The following SZT2 variants were observed in gnomAD, a reference collection of about 807,000 sequenced individuals.
SZT2 encodes SZT2 subunit of KICSTOR complex, also known as KICSTOR complex protein SZT2.
A neutral mutation model predicts 404.2 loss-of-function variants in SZT2; 216 were observed. The observed-to-expected ratio is 0.53, with a 90% CI of 0.48 to 0.60. The LOEUF is 0.60. Ranked by LOEUF, SZT2 falls within the 20% of genes least tolerant of loss-of-function variation. SZT2 has a pLI of 0.00. For missense variants in SZT2, 3,857 were observed against 4,459.2 expected, an observed-to-expected ratio of 0.86 and a Z score of 3.85; for synonymous variants, 1,693 against 1,749.9, an observed-to-expected ratio of 0.97 and a Z score of 0.81.
In SZT2 at chr1:43,453,106, C is replaced by T. The variant is rs1454216063; in HGVS notation, c.*2626C>T. 1.5e-5 allele frequency: 11 copies of T among 753,468 alleles called. No homozygotes were observed. Among genetic ancestry groups the T allele is most frequent in the Admixed American group, 2.0e-5 (1 of 49,520 alleles). The allele number at this position is 753,468 out of a possible 1,614,324, so 46.7% of individuals were successfully genotyped here. A position where few individuals can be genotyped will look rare whatever the true frequency, so the allele number is the denominator to read the frequency against. The stretch of plus-strand genomic sequence containing the variant: ...CCACAGCTTCCTGGAATAGGCCTGT[C>T]CTCAAATGCATCACTGTATATATTT... On this transcript the variant is annotated 3_prime_UTR_variant, in exon 72 of 72. Coordinates refer to ENST00000634258, the MANE Select transcript of SZT2 (RefSeq NM_001365999.1).
intron 1 of SZT2, among the ~76,000 whole-genome samples, chr1:43,397,987 A>T (rs1649205387): frequency 6.6e-6 from 1 of 152,218 alleles, no homozygotes; most frequent in African/African-American, 2.4e-5. Flanking sequence ...CTAGAAGATG[A>T]GGTGACCACG....
intron 46 of SZT2, among the ~76,000 whole-genome samples, chr1:43,438,361 A>T (rs1031005439): frequency 4.6e-5 from 7 of 152,160 alleles, no homozygotes; most frequent in African/African-American, 1.7e-4. Flanking sequence ...TTTTCCAGCT[A>T]ATATTTATAG....
In SZT2 at chr1:43,422,890, T is replaced by C. The variant is rs920414885; in HGVS notation, c.2037+7T>C. 6.4e-7 allele frequency: 1 copy of C among 1,573,892 alleles called. No individual in the cohort carries two copies. Among genetic ancestry groups the C allele is most frequent in the Non-Finnish European group, 8.6e-7 (1 of 1,167,156 alleles). On this transcript the variant is annotated splice_region_variant and intron_variant, in intron 14 of 71. Coordinates refer to ENST00000634258, the MANE Select transcript of SZT2 (RefSeq NM_001365999.1). ...AGCACCGGCCCGGCACAAGGTAAGC[T>C]GGGCCCTGACTGACTCTGACCAAGG...
intron 51 of SZT2, 68 bp from the exon 52 acceptor site, chr1:43,440,385 G>C (rs1262060282): frequency 5.3e-6 from 8 of 1,517,040 alleles, no homozygotes; most frequent in Non-Finnish European, 7.1e-6. Flanking sequence ...TACCAGTCTT[G>C]AGGTTCAGTT....
At position 43,415,255 on chromosome 1, in the gene SZT2, G is replaced by A. The variant is rs552856790; in HGVS notation, c.630+42G>A. The stretch of plus-strand genomic sequence containing the variant: ...GTGGGCAGAGGCAACTTAGAAAGAG[G>A]AGCAGCTAAGGACAGAGGGCAGAGA... On this transcript the variant is annotated intron_variant, in intron 5 of 71. Transcript: ENST00000634258. 1.5e-3 allele frequency: 2,371 copies of A among 1,593,892 alleles called. 39 individuals carry two copies. The South Asian group carries it at 0.025, about 17-fold the overall frequency.
At chr1:43,402,808 G>C (rs1486412456) in intron 1 of SZT2, among the ~76,000 whole-genome samples, 2 of 152,160 alleles carry the variant, frequency 1.3e-5, no homozygotes, top group African/African-American at 4.8e-5. Flanking sequence ...AATGTATTAG[G>C]GACTTGTCCT....
In SZT2 at chr1:43,424,506, C is replaced by A; in HGVS notation, c.2471+74C>A. The A allele has an allele frequency of 6.9e-7, 1 of 1,441,450 alleles. No homozygotes were observed. The highest frequency in any genetic ancestry group is 9.5e-7 in the Non-Finnish European group (1 of 1,048,120). 89.3% of individuals were successfully genotyped at this position (1,441,450 alleles called of 1,614,324 possible). On this transcript the variant is annotated intron_variant, in intron 16 of 71. Transcript: ENST00000634258. This position sits in a 1 kb window ranked among gnomAD's most constrained non-coding sequence, Gnocchi z 4.1. ...TGTAGACTGGGACACTAGCAAAAAGCCTATAGCACACACTTCTCCTCTCTA... is the reference window on the plus strand; with the variant it reads ...TGTAGACTGGGACACTAGCAAAAAGACTATAGCACACACTTCTCCTCTCTA...
rs1293436010 is a variant in SZT2 at position 43,443,452 on chromosome 1, A to G, written c.8600A>G (p.Glu2867Gly). 1.2e-6 allele frequency: 2 copies of G among 1,614,206 alleles called. No homozygotes were observed. The highest frequency in any genetic ancestry group is 4.5e-5 in the East Asian group (2 of 44,876). Residue 2867 changes from glutamate (E) to glycine (G), a missense_variant, in exon 61 of 72, where the codon GAG (glutamate) becomes GGG (glycine). Coordinates refer to ENST00000634258, the MANE Select transcript of SZT2 (RefSeq NM_001365999.1). ...DPAAWLHGPPETSGPPDGQRR... is the reference protein window; with the variant it reads ...DPAAWLHGPPGTSGPPDGQRR... ...GCTGCCTGGCTGCATGGGCCCCCAGAGACCTCTGGACCCCCTGACGGGCAG... is the reference window on the plus strand; with the variant it reads ...GCTGCCTGGCTGCATGGGCCCCCAGGGACCTCTGGACCCCCTGACGGGCAG...
chr1:43,444,516 C>T (rs991560231), intron 62 of SZT2, among the ~76,000 whole-genome samples: 1 of 152,066 alleles, frequency 6.6e-6, no homozygotes, highest in East Asian at 1.9e-4. Flanking sequence ...CAGGGAAGTC[C>T]TTTTCTCACC....
chr1:43,432,353 C>A lies in SZT2; in HGVS notation c.5356C>A (p.Gln1786Lys). The change falls in exon 37 of 72, where the codon CAG (glutamine) becomes AAG (lysine). Residue 1786 changes from glutamine to lysine, a missense_variant. Physicochemically the swap from Gln to Lys is moderately conservative, Grantham distance 53 (BLOSUM62 1). Transcript: ENST00000634258. ...SGFFFVAAGQ[Q>K]PGGSHGEPSS... ...CTTCTTCTTTGTGGCAGCTGGCCAA[C>A]AGCCAGGTGGGTCCCATGGGGAGCC... The A allele has an allele frequency of 6.2e-7, 1 of 1,607,564 alleles. No individual in the cohort carries two copies. Among genetic ancestry groups the A allele is most frequent in the Non-Finnish European group, 8.5e-7 (1 of 1,177,068 alleles).
chr1:43,438,725 C>T lies in SZT2; in HGVS notation c.6535C>T (p.Arg2179Ter), dbSNP rs776495267. 2.5e-6 allele frequency: 4 copies of T among 1,613,928 alleles called. No individual in the cohort carries two copies. The highest frequency in any genetic ancestry group is 2.5e-6 in the Non-Finnish European group (3 of 1,180,000). The change falls in exon 47 of 72, where the codon CGA becomes TGA. Residue 2179 changes from arginine (R) to a stop codon, truncating the protein, a stop_gained. Transcript: ENST00000634258. LOFTEE classifies it high-confidence loss of function. The stretch of plus-strand genomic sequence containing the variant: ...TCCTGAGATCACGGATGAGCTCGTG[C>T]GAGTTCTATGTCGGCGCCTGGATGA... The part of the protein sequence containing the change: ...AGPEITDELV[R>*]VLCRRLDEAT...
chr1:43,429,466 A>G (rs1300389504), intron 28 of SZT2: 6 of 481,172 alleles, frequency 1.2e-5, no homozygotes, highest in African/African-American at 1.9e-5. Context: ...CTCCTACCTC[A>G]GCAACAGAGT....
chr1:43,426,067 C>G lies in SZT2; in HGVS notation c.2959C>G (p.His987Asp). The G allele has an allele frequency of 6.2e-7, 1 of 1,614,150 alleles. No individual in the cohort carries two copies. The change falls in exon 21 of 72, where the codon CAT becomes GAT. Residue 987 changes from histidine (H) to aspartate (D), a missense_variant. Around this residue, in one of 7 missense-constraint regions of SZT2, gnomAD observed 1,725 missense variants for 1,881.0 expected, o/e 0.92. Coordinates refer to ENST00000634258, the MANE Select transcript of SZT2 (RefSeq NM_001365999.1). The surrounding 1 kb of genome is among the most constrained non-coding windows in gnomAD (Gnocchi z 4.9). Reference sequence around the variant, plus strand: ...GGATCAGGGAGGAGACACCTGCGTCCATGAGATCCCTTTCCATTTTGACCT... The same window carrying G: ...GGATCAGGGAGGAGACACCTGCGTCGATGAGATCCCTTTCCATTTTGACCT... Reference protein sequence around the residue: ...GLDQGGDTCVHEIPFHFDLMG... With the variant: ...GLDQGGDTCVDEIPFHFDLMG...
In SZT2 at chr1:43,426,849, ACCT is replaced by A; in HGVS notation, c.3309+44_3309+46del. ...TTCTCCCTGAGCCCTTGTCACACTG[ACCT>A]CCTTCCAGCACCACATCTTCAGGCC... On this transcript the variant is annotated intron_variant, in intron 23 of 71. Coordinates refer to ENST00000634258, the MANE Select transcript of SZT2 (RefSeq NM_001365999.1). This position sits in a 1 kb window ranked among gnomAD's most constrained non-coding sequence, Gnocchi z 4.9. The A allele has an allele frequency of 6.3e-7, 1 of 1,597,122 alleles. No homozygotes were observed. Among genetic ancestry groups the A allele is most frequent in the South Asian group, 1.1e-5 (1 of 89,908 alleles).
rs1490545865 is a variant in SZT2 at position 43,427,521 on chromosome 1, T to C, written c.3599-9T>C. The C allele has an allele frequency of 6.2e-7, 1 of 1,614,054 alleles. No homozygotes were observed. The highest frequency in any genetic ancestry group is 8.5e-7 in the Non-Finnish European group (1 of 1,179,986). Reference sequence around the variant, plus strand: ...AGCTGGAAGACCACGTGACACCTTTTCTTCACAGACAATGCCCAGAATCAA... The same window carrying C: ...AGCTGGAAGACCACGTGACACCTTTCCTTCACAGACAATGCCCAGAATCAA... On this transcript the variant is annotated splice_polypyrimidine_tract_variant and intron_variant, in intron 25 of 71. Coordinates refer to ENST00000634258, the MANE Select transcript of SZT2 (RefSeq NM_001365999.1).
In SZT2 at chr1:43,431,395, G is replaced by T. The variant is rs1653857194; in HGVS notation, c.5024+23G>T. ...GAGGTACTTCTTTATCTCCCTGTCAGAGTTCATTACTGCTTTTCAATTTCA... is the reference window on the plus strand; with the variant it reads ...GAGGTACTTCTTTATCTCCCTGTCATAGTTCATTACTGCTTTTCAATTTCA... On this transcript the variant is annotated intron_variant, in intron 34 of 71. Transcript: ENST00000634258. 6.2e-6 allele frequency: 10 copies of T among 1,613,028 alleles called. No homozygotes were observed. In the East Asian group the frequency reaches 2.2e-4, roughly 36 times the overall value.
At chr1:43,446,873 C>A in intron 65 of SZT2, 82 bp from the exon 66 acceptor site, 1 of 1,421,674 alleles carries the variant, frequency 7.0e-7, no homozygotes, top group South Asian at 1.3e-5. Context: ...TCTTGTGCTT[C>A]TTCCCACGGA....
intron 4 of SZT2, chr1:43,409,434 A>T: frequency 2.7e-6 from 1 of 368,308 alleles, no homozygotes; most frequent in Non-Finnish European, 5.2e-6. Context: ...TAGTCAGACA[A>T]GAGAAAGAAA....
rs1204610877 is a variant in SZT2, at chr1:43,439,974, G to T, written c.7136G>T (p.Arg2379Leu). 1.1e-5 allele frequency: 17 copies of T among 1,614,006 alleles called. No homozygotes were observed. The highest frequency in any genetic ancestry group is 1.4e-5 in the Non-Finnish European group (16 of 1,180,014). ...QLEEKLRGAA[R>L]QALADAIIEL... Reference sequence around the variant, plus strand: ...GAGGAGAAACTCCGAGGAGCAGCTCGCCAGGCCCTGGCCGATGCCATCATC... The same window carrying T: ...GAGGAGAAACTCCGAGGAGCAGCTCTCCAGGCCCTGGCCGATGCCATCATC... Residue 2379 changes from arginine to leucine, a missense_variant, in exon 51 of 72, where the codon CGC becomes CTC. Coordinates refer to ENST00000634258, the MANE Select transcript of SZT2 (RefSeq NM_001365999.1). The surrounding 1 kb of genome is among the most constrained non-coding windows in gnomAD (Gnocchi z 4.2).
Sources: allele counts gnomAD v4.1 joint callset (sites outside exome capture counted in the v4.1 genomes callset), GRCh38; gene constraint gnomAD v4.1.1; regional missense constraint gnomAD v4.1.1; non-coding constraint Gnocchi (gnomAD v3.1); transcripts MANE v1.5; gene names NCBI Gene and HGNC (gene_info 2026-07-23, HGNC 2026-07-21).